The following VWCE variants were observed in gnomAD, a reference collection of about 807,000 sequenced individuals.
The protein encoded by VWCE is von Willebrand factor C and EGF domain-containing protein.
Under a neutral mutation model 102.9 loss-of-function variants are expected in VWCE, and 68 were observed. The ratio of observed to expected loss-of-function variants is 0.66; its 90% CI spans 0.54 to 0.81. The LOEUF is 0.81. Among genes scored for constraint, VWCE ranks in the 30% least tolerant of loss-of-function variants. The pLI is 0.00. For missense variants in VWCE, 1,137 were observed against 1,263.6 expected (o/e 0.90, Z 1.52); for synonymous variants, 497 against 515.4 (o/e 0.96, Z 0.48).
chr11:61,270,250 G>A (rs1292547601), intron 14 of VWCE, among the ~76,000 whole-genome samples: 6 of 152,186 alleles, frequency 3.9e-5, no homozygotes, highest in South Asian at 2.1e-4. Flanking sequence ...ACGGCTCATC[G>A]AAGGCACTAG....
intron 6 of VWCE, among the ~76,000 whole-genome samples, chr11:61,282,178 A>G (rs765272980): frequency 6.6e-6 from 1 of 152,128 alleles, no homozygotes; most frequent in Non-Finnish European, 1.5e-5. Context: ...GCGGTAATTA[A>G]TTGCTGCGTG....
chr11:61,293,009 AGGCGGGC>A (rs1243541368), intron 1 of VWCE, among the ~76,000 whole-genome samples: 1 of 152,076 alleles, frequency 6.6e-6, no homozygotes, highest in African/African-American at 2.4e-5. Context: ...TGGGAGGCCA[AGGCGGGC>A]GGATCACCCG....
At chr11:61,270,012 G>A (rs991063795) in intron 14 of VWCE, among the ~76,000 whole-genome samples, 6 of 150,850 alleles carry the variant, frequency 4.0e-5, no homozygotes, top group African/African-American at 1.5e-4. Flanking sequence ...CCGCCTCCCG[G>A]GTTCACGCCA....
At chr11:61,276,356 A>T (rs11230655) in intron 11 of VWCE, among the ~76,000 whole-genome samples, 3,212 of 151,528 alleles carry the variant, frequency 0.021, 47 homozygotes, top group Non-Finnish European at 0.033. Flanking sequence ...CGGAGGTTGC[A>T]GTGAGCTAAG....
intron 1 of VWCE, among the ~76,000 whole-genome samples, chr11:61,292,945 TA>T (rs904575963): frequency 1.6e-4 from 24 of 146,908 alleles, no homozygotes; most frequent in Admixed American, 2.0e-4. Flanking sequence ...CTGTCTCCAC[TA>T]AAAAAAAAAT....
intron 11 of VWCE, 37 bp from the exon 12 acceptor site, chr11:61,274,621 T>G (rs756097222): frequency 6.2e-7 from 1 of 1,605,562 alleles, no homozygotes; most frequent in South Asian, 1.1e-5. Flanking sequence ...TCAAGGTCTT[T>G]GGGCAGAGGC....
At chr11:61,277,109 A>T (rs1854950043) in intron 10 of VWCE, among the ~76,000 whole-genome samples, 1 of 136,680 alleles carries the variant, frequency 7.3e-6, no homozygotes, top group Non-Finnish European at 1.6e-5. Context: ...CAGAGAAGTG[A>T]GAGAGAAAGA....
At position 61,268,962 on chromosome 11, in the gene VWCE, C is replaced by T. The variant is rs143604690; in HGVS notation, c.1842G>A (p.Pro614=). Residue 614 remains proline (P), a synonymous_variant, in exon 15 of 20, where the codon CCG becomes CCA. Transcript: ENST00000335613. Reference sequence around the variant, plus strand: ...GGCAGCACTGTCCAGGGATCCGGATCGGGTGAGGGCAGGAGTCCACACAGT... The same window carrying T: ...GGCAGCACTGTCCAGGGATCCGGATTGGGTGAGGGCAGGAGTCCACACAGT... ...RTDCVDSCPH[P]IRIPGQCCPD... 9.9e-6 allele frequency: 16 copies of T among 1,614,148 alleles called. No homozygotes were observed. Among genetic ancestry groups the T allele is most frequent in the Admixed American group, 3.3e-5 (2 of 60,026 alleles).
rs745872739 is a variant in VWCE at position 61,259,024 on chromosome 11, G to A, written c.2519C>T (p.Ala840Val). The change falls in exon 20 of 20, where the codon GCC (alanine) becomes GTC (valine). Residue 840 changes from alanine (A) to valine (V), a missense_variant. By Grantham distance (64) the Ala-to-Val change is moderately conservative. Around this residue, in one of 5 missense-constraint regions of VWCE, gnomAD observed 316 missense variants for 319.3 expected, o/e 0.99. Transcript: ENST00000335613. ...AGGCCCTGGTGAGAGTCGAGGGGAG[G>A]CCCCAGGCTCCCCTGGGAAAGTGGC... Reference protein sequence around the residue: ...LTATFPGEPGASPRLSPGPST... With the variant: ...LTATFPGEPGVSPRLSPGPST... 19 of 1,613,834 alleles carry A rather than the reference G, an allele frequency of 1.2e-5. No homozygotes were observed. Among genetic ancestry groups the A allele is most frequent in the Admixed American group, 3.3e-5 (2 of 60,008 alleles).
intron 16 of VWCE, 112 bp from the exon 17 acceptor site, chr11:61,265,324 G>A: frequency 2.0e-6 from 2 of 1,008,350 alleles, no homozygotes; most frequent in Non-Finnish European, 2.8e-6. Context: ...TCAACATTGT[G>A]GGAGGAGTCC....
intron 2 of VWCE, 46 bp from the exon 3 acceptor site, chr11:61,291,399 G>A (rs746045009): frequency 3.1e-6 from 5 of 1,590,682 alleles, no homozygotes; most frequent in South Asian, 2.3e-5. Context: ...GGGGCCTCCC[G>A]TCTGCCCCTC....
In VWCE at chr11:61,258,932, T is replaced by A. The variant is rs2134718950; in HGVS notation, c.2611A>T (p.Thr871Ser). The A allele has an allele frequency of 6.4e-7, 1 of 1,551,682 alleles. No individual in the cohort carries two copies. The highest frequency in any genetic ancestry group is 8.7e-7 in the Non-Finnish European group (1 of 1,152,372). ...SPGAPQPPPV[T>S]PERSFSASGA... ...GAGGCTGAGAACGAGCGCTCTGGAG[T>A]CACAGGAGGTGGCTGAGGAGCCCCT... The change falls in exon 20 of 20, where the codon ACT (threonine) becomes TCT (serine). Residue 871 changes from threonine (T) to serine (S), a missense_variant. By Grantham distance (58) the Thr-to-Ser change is moderately conservative. Coordinates refer to ENST00000335613, the MANE Select transcript of VWCE (RefSeq NM_152718.2).
At chr11:61,270,349 C>T (rs192359502) in intron 14 of VWCE, among the ~76,000 whole-genome samples, 4 of 152,258 alleles carry the variant, frequency 2.6e-5, no homozygotes, top group African/African-American at 9.6e-5. Flanking sequence ...GGCAGGGCCT[C>T]GAAAGGCTGC....
rs1192166740 is a variant in VWCE at position 61,259,184 on chromosome 11, G to A, written c.2359C>T (p.Pro787Ser). Residue 787 changes from proline to serine, a missense_variant, in exon 20 of 20, where the codon CCG becomes TCG. Coordinates refer to ENST00000335613, the MANE Select transcript of VWCE (RefSeq NM_152718.2). ...ACCGGCCTCGAGGGTGATGCTGTCGGGGGCCCAGGACAGGAGCTACAGTTG... is the reference window on the plus strand; with the variant it reads ...ACCGGCCTCGAGGGTGATGCTGTCGAGGGCCCAGGACAGGAGCTACAGTTG... Reference protein sequence around the residue: ...PVNCSSCPGPPTASPSRPVLH... With the variant: ...PVNCSSCPGPSTASPSRPVLH... The A allele has an allele frequency of 6.2e-7, 1 of 1,614,084 alleles. No individual in the cohort carries two copies. The highest frequency in any genetic ancestry group is 8.5e-7 in the Non-Finnish European group (1 of 1,180,042).
At position 61,289,697 on chromosome 11, in the gene VWCE, TACAC is replaced by T. The variant is rs547648573; in HGVS notation, c.424+1098_424+1101del. 1.2e-3 allele frequency among the ~76,000 whole-genome samples: 175 copies of T among 152,108 alleles called. 1 individual carries two copies. Among genetic ancestry groups the T allele is most frequent in the Admixed American group, 2.0e-3 (30 of 15,264 alleles). ...CATGCTTAACATACATACACACACA[TACAC>T]ACACTCACAAACACAGACACACCCA... On this transcript the variant is annotated intron_variant, in intron 4 of 19. Transcript: ENST00000335613.
At chr11:61,279,811 G>C (rs374068547) in intron 9 of VWCE, among the ~76,000 whole-genome samples, 1 of 151,890 alleles carries the variant, frequency 6.6e-6, no homozygotes, top group African/African-American at 2.4e-5. Context: ...CTGCAGCCTC[G>C]ACCTCCTGAG....
rs569301869 is a variant in VWCE, at chr11:61,294,215, C to T, written c.110+713G>A. ...GGTTCTGAGCAGGAACTGGCGGTGGCTGTGGAACACACGTGTGAGCTACAA... is the reference window on the plus strand; with the variant it reads ...GGTTCTGAGCAGGAACTGGCGGTGGTTGTGGAACACACGTGTGAGCTACAA... On this transcript the variant is annotated intron_variant, in intron 1 of 19. Transcript: ENST00000335613. This position sits in a 1 kb window ranked among gnomAD's most constrained non-coding sequence, Gnocchi z 6.3. Among the ~76,000 whole-genome samples, 827 of 152,264 alleles carry T rather than the reference C, an allele frequency of 5.4e-3. 11 individuals carry two copies. Among genetic ancestry groups the T allele is most frequent in the South Asian group, 0.026 (124 of 4,828 alleles).
chr11:61,290,692 G>A lies in VWCE; in HGVS notation c.424+107C>T. ...CTCTCAAACATCAGAGCCTATCTTGGCTCAGCTTAGCCTTGCAATACACTG... is the reference window on the plus strand; with the variant it reads ...CTCTCAAACATCAGAGCCTATCTTGACTCAGCTTAGCCTTGCAATACACTG... On this transcript the variant is annotated intron_variant, in intron 4 of 19. Coordinates refer to ENST00000335613, the MANE Select transcript of VWCE (RefSeq NM_152718.2). 9.9e-6 allele frequency: 13 copies of A among 1,317,064 alleles called. No homozygotes were observed. The South Asian group carries it at 1.9e-4, about 20-fold the overall frequency. The allele number at this position is 1,317,064 out of a possible 1,614,324, so 81.6% of individuals were successfully genotyped here. A position where few individuals can be genotyped will look rare whatever the true frequency, so the allele number is the denominator to read the frequency against.
intron 12 of VWCE, 146 bp downstream of exon 12, chr11:61,274,353 G>A: frequency 7.6e-6 from 5 of 660,732 alleles, no homozygotes; most frequent in Non-Finnish European, 1.3e-5. Flanking sequence ...AGACCTGGGG[G>A]ATCCCTGTAG....
Sources: allele counts gnomAD v4.1 joint callset (sites outside exome capture counted in the v4.1 genomes callset), GRCh38; gene constraint gnomAD v4.1.1; regional missense constraint gnomAD v4.1.1; non-coding constraint Gnocchi (gnomAD v3.1); transcripts MANE v1.5; gene names NCBI Gene and HGNC (gene_info 2026-07-23, HGNC 2026-07-21).